The following IQCK variants were observed in gnomAD, a reference collection of about 807,000 sequenced individuals.
The protein encoded by IQCK is IQ domain-containing protein K.
A neutral mutation model predicts 28.1 loss-of-function variants in IQCK; 29 were observed. The ratio of observed to expected loss-of-function variants is 1.03; its 90% CI spans 0.77 to 1.41. IQCK has a LOEUF of 1.41. IQCK is among the 40% of genes most tolerant of loss of function. The probability of loss-of-function intolerance (pLI) is 0.00; values close to 1 mark genes in which losing one functional copy is unlikely to be tolerated. For synonymous variants in IQCK, 113 were observed against 115.1 expected (o/e 0.98, Z 0.12); for missense variants, 359 against 314.7 (o/e 1.14, Z -1.07).
chr16:19,750,255 T>C (rs1424156476), intron 4 of IQCK, among the ~76,000 whole-genome samples: 2 of 151,860 alleles, frequency 1.3e-5, no homozygotes, highest in East Asian at 3.9e-4. Context: ...GCCTCCCAAG[T>C]AGCTAGGACT....
intron 1 of IQCK, among the ~76,000 whole-genome samples, chr16:19,729,409 G>A (rs1160553199): frequency 4.0e-5 from 6 of 151,394 alleles, no homozygotes; most frequent in African/African-American, 1.5e-4. Flanking sequence ...CCCAGCTGTG[G>A]ACTGTTCTTT....
chr16:19,784,034 G>A (rs2055529568), intron 6 of IQCK, among the ~76,000 whole-genome samples: 1 of 152,092 alleles, frequency 6.6e-6, no homozygotes. Flanking sequence ...GAAAATTGCC[G>A]CTGAACAGAA....
At chr16:19,772,933 G>A (rs980369974) in intron 6 of IQCK, among the ~76,000 whole-genome samples, 2 of 152,108 alleles carry the variant, frequency 1.3e-5, no homozygotes, top group Admixed American at 1.3e-4. Flanking sequence ...AGCCCCAGAG[G>A]TTTAGGCTGC....
intron 4 of IQCK, among the ~76,000 whole-genome samples, chr16:19,750,381 C>A (rs947315199): frequency 6.6e-6 from 1 of 151,794 alleles, no homozygotes; most frequent in African/African-American, 2.4e-5. Context: ...TCCACCTTGG[C>A]CTCCCAAAGT....
chr16:19,719,771 T>C (rs934403381), intron 1 of IQCK, among the ~76,000 whole-genome samples: 1 of 142,116 alleles, frequency 7.0e-6, no homozygotes, highest in Non-Finnish European at 1.5e-5. Context: ...GCCTCCCGGG[T>C]TCAAGCATTC....
At chr16:19,746,235 A>T (rs988889421) in intron 4 of IQCK, among the ~76,000 whole-genome samples, 2 of 149,948 alleles carry the variant, frequency 1.3e-5, no homozygotes, top group African/African-American at 4.9e-5. Flanking sequence ...GTAGATATAT[A>T]TATTTATTGG....
intron 9 of IQCK, among the ~76,000 whole-genome samples, chr16:19,837,184 C>T (rs76368557): frequency 0.086 from 13,063 of 152,142 alleles, 833 homozygotes; most frequent in East Asian, 0.25. Context: ...GAGGATCACT[C>T]GAGAGCCCAG....
At chr16:19,858,135 C>G (rs74504262) in exon 10 of IQCK, 1 of 199,708 alleles carries the variant, frequency 5.0e-6, no homozygotes, top group East Asian at 1.1e-4. Flanking sequence ...GGGCAGCTGG[C>G]TGCTACAGTC....
chr16:19,739,458 G>C (rs2054802309), intron 4 of IQCK, among the ~76,000 whole-genome samples: 2 of 152,160 alleles, frequency 1.3e-5, no homozygotes, highest in Non-Finnish European at 1.5e-5. Flanking sequence ...TTAAATCCAG[G>C]TAATTGCTCT....
intron 6 of IQCK, among the ~76,000 whole-genome samples, chr16:19,775,870 T>G (rs2055386527): frequency 1.0e-5 from 1 of 95,758 alleles, no homozygotes; most frequent in Non-Finnish European, 1.8e-5. Flanking sequence ...CACAGGCTTT[T>G]TTTTTTTTTT....
chr16:19,837,665 C>G (rs544452566), intron 9 of IQCK, among the ~76,000 whole-genome samples: 1 of 152,290 alleles, frequency 6.6e-6, no homozygotes. Flanking sequence ...TTAAAGCTGT[C>G]AGCAAAAATA....
chr16:19,764,665 G>T (rs1331217628), intron 6 of IQCK, among the ~76,000 whole-genome samples: 2 of 150,078 alleles, frequency 1.3e-5, no homozygotes, highest in African/African-American at 4.9e-5. Context: ...TGTCTATGGA[G>T]TAGCCATTAT....
intron 9 of IQCK, among the ~76,000 whole-genome samples, chr16:19,846,009 A>T (rs2056411884): frequency 6.6e-6 from 1 of 152,196 alleles, no homozygotes; most frequent in Admixed American, 6.5e-5. Flanking sequence ...CCCAGGAGGC[A>T]GAGGCTGCAG....
intron 4 of IQCK, chr16:19,761,705 C>G (rs1020488844): frequency 1.5e-5 from 4 of 261,614 alleles, no homozygotes; most frequent in Non-Finnish European, 3.0e-5. Flanking sequence ...TTGGCAGGCT[C>G]AGCTTATCTT....
chr16:19,850,958 G>A (rs2056474219), intron 9 of IQCK, among the ~76,000 whole-genome samples: 1 of 152,168 alleles, frequency 6.6e-6, no homozygotes, highest in African/African-American at 2.4e-5. Context: ...AGGAGGTTGA[G>A]ACTGCAGTGA....
intron 4 of IQCK, among the ~76,000 whole-genome samples, chr16:19,745,620 T>C (rs1287493277): frequency 6.6e-6 from 1 of 152,244 alleles, no homozygotes; most frequent in Non-Finnish European, 1.5e-5. Flanking sequence ...GATGATATAA[T>C]ATAACCTATT....
In IQCK at chr16:19,754,578, C is replaced by T. The variant is rs145609364; in HGVS notation, c.475-9270C>T. Among the ~76,000 whole-genome samples the T allele has an allele frequency of 4.6e-5, 7 of 152,130 alleles. No homozygotes were observed. The East Asian group carries it at 5.8e-4, about 13-fold the overall frequency. On this transcript the variant is annotated intron_variant, in intron 4 of 7. Coordinates refer to ENST00000564186, the Ensembl canonical transcript of IQCK. ...CCTGACAAGTTCTTTGATGATCTCACGACACAAAAATTTGCTACTACGAAT... is the reference window on the plus strand; with the variant it reads ...CCTGACAAGTTCTTTGATGATCTCATGACACAAAAATTTGCTACTACGAAT...
At chr16:19,746,925 T>C (rs1357835767) in intron 4 of IQCK, among the ~76,000 whole-genome samples, 3 of 152,258 alleles carry the variant, frequency 2.0e-5, no homozygotes, top group African/African-American at 7.2e-5. Context: ...GATTATTATG[T>C]ACTTTATCAG....
intron 1 of IQCK, among the ~76,000 whole-genome samples, chr16:19,728,697 C>T (rs1425094655): frequency 6.6e-6 from 1 of 152,168 alleles, no homozygotes; most frequent in Non-Finnish European, 1.5e-5. Context: ...ACTCCTGACT[C>T]AGGGGAATTA....
Sources: allele counts gnomAD v4.1 joint callset (sites outside exome capture counted in the v4.1 genomes callset), GRCh38; gene constraint gnomAD v4.1.1; transcripts MANE v1.5; gene names NCBI Gene and HGNC (gene_info 2026-07-23, HGNC 2026-07-21).